HYDIN: variants seen among roughly 807,000 people sequenced by gnomAD.
HYDIN encodes the protein HYDIN axonemal central pair apparatus protein, also known as axonemal central pair apparatus protein HYDIN.
HYDIN carries 132 observed loss-of-function variants against 403.9 expected under a neutral mutation model. The observed-to-expected ratio is 0.33, with a 90% confidence interval of 0.28 to 0.38. The LOEUF is 0.38. Ranked by LOEUF, HYDIN falls within the 10% of genes least tolerant of loss-of-function variation. The probability of loss-of-function intolerance (pLI) is 1.00; values close to 1 mark genes in which losing one functional copy is unlikely to be tolerated. For synonymous variants in HYDIN, 1,202 were observed against 1,891.7 expected (o/e 0.64, Z 9.46); for missense variants, 2,827 against 5,009.5 (o/e 0.56, Z 13.15).
intron 30 of HYDIN, among the ~76,000 whole-genome samples, chr16:70,978,074 C>T (rs1216685088): frequency 3.3e-5 from 5 of 152,080 alleles, no homozygotes; most frequent in Non-Finnish European, 7.4e-5. Flanking sequence ...GCAGATGATG[C>T]ACAGAAATCT....
At position 70,895,975 on chromosome 16, in the gene HYDIN, A is replaced by G. The variant is rs909806533; in HGVS notation, c.9148+6T>C. ...AAACATCCTGTCCTTGAAGGGCCCA[A>G]CAGACCTTTGGGGAAGGTGATGTCC... On this transcript the variant is annotated splice_donor_region_variant and intron_variant, in intron 54 of 85. Coordinates refer to ENST00000393567, the MANE Select transcript of HYDIN (RefSeq NM_001270974.2). 3 of 1,603,732 alleles carry G rather than the reference A, an allele frequency of 1.9e-6. No homozygotes were observed. Among genetic ancestry groups the G allele is most frequent in the African/African-American group, 1.4e-5 (1 of 71,918 alleles).
At position 71,079,911 on chromosome 16, in the gene HYDIN, G is replaced by C. The variant is rs140973680; in HGVS notation, c.1712C>G (p.Ala571Gly). ...AAAGGAAACATCACCAAAGTGCAGA[G>C]CTGGAACATTAAAATGGAAGGTAGG... ...IGPTFHFNVP[A>G]LHFGDVSFGF... The change falls in exon 13 of 86, where the codon GCT (alanine) becomes GGT (glycine). Residue 571 changes from alanine to glycine, a missense_variant. Ala to Gly is a moderately conservative substitution (Grantham distance 60, BLOSUM62 0). Transcript: ENST00000393567. 6.6e-4 allele frequency: 1,001 copies of C among 1,515,884 alleles called. 7 individuals are homozygous for C. In the African/African-American group the frequency reaches 0.012, roughly 19 times the overall value. 93.9% of individuals were successfully genotyped at this position (1,515,884 alleles called of 1,614,324 possible).
Position 71,151,478 on chromosome 16 carries a change from C to T in HYDIN, c.841+1181G>A, listed in dbSNP as rs1453194106. On this transcript the variant is annotated intron_variant, in intron 7 of 85. Transcript: ENST00000393567. ...TCTACACACAGATCACCCCAATCTA[C>T]CAGTGTGACTTCCAGGGATGGGTTC... Among the ~76,000 whole-genome samples, 3 of 151,926 alleles carry T rather than the reference C, an allele frequency of 2.0e-5. No individual in the cohort carries two copies. The East Asian group carries it at 5.8e-4, about 30-fold the overall frequency.
intron 29 of HYDIN, among the ~76,000 whole-genome samples, chr16:70,979,738 C>T (rs1466545338): frequency 1.3e-5 from 2 of 152,116 alleles, no homozygotes; most frequent in African/African-American, 2.4e-5. Flanking sequence ...TCAAGACCAG[C>T]CTGGGCAACA....
At chr16:70,979,766 T>C (rs2078990857) in intron 29 of HYDIN, among the ~76,000 whole-genome samples, 1 of 152,026 alleles carries the variant, frequency 6.6e-6, no homozygotes, top group African/African-American at 2.4e-5. Flanking sequence ...ACCCCGTCTC[T>C]ACAAAAAATT....
chr16:71,021,153 G>C (rs1226198802), intron 21 of HYDIN, among the ~76,000 whole-genome samples: 3 of 150,886 alleles, frequency 2.0e-5, no homozygotes, highest in Non-Finnish European at 3.0e-5. Flanking sequence ...AACTTTTCCT[G>C]ATAATACCAG....
intron 3 of HYDIN, among the ~76,000 whole-genome samples, chr16:71,181,848 G>T (rs550433372): frequency 6.6e-6 from 1 of 152,140 alleles, no homozygotes; most frequent in East Asian, 1.9e-4. Flanking sequence ...AAGCTCAAGC[G>T]ATCATACAAA....
In HYDIN at chr16:70,832,975, A is replaced by C; in HGVS notation, c.13772T>G (p.Val4591Gly). The C allele has an allele frequency of 6.2e-7, 1 of 1,614,212 alleles. No homozygotes were observed. The highest frequency in any genetic ancestry group is 8.5e-7 in the Non-Finnish European group (1 of 1,180,000). ...TCCCACCTCGGTGGGATGGTAGGTC[A>C]CTTCAAAAGAAACCTCCATGCCTGA... ...ITSGMEVSFE[V>G]TYHPTEVGKE... The change falls in exon 80 of 86, where the codon GTG becomes GGG. Residue 4591 changes from valine to glycine, a missense_variant. Coordinates refer to ENST00000393567, the MANE Select transcript of HYDIN (RefSeq NM_001270974.2).
intron 38 of HYDIN, among the ~76,000 whole-genome samples, chr16:70,960,926 C>T (rs2078397690): frequency 6.6e-6 from 1 of 152,242 alleles, no homozygotes; most frequent in African/African-American, 2.4e-5. Flanking sequence ...CTCCTGACCT[C>T]ATGATCCGCC....
intron 5 of HYDIN, among the ~76,000 whole-genome samples, chr16:71,163,969 C>G (rs531888489): frequency 6.6e-6 from 1 of 151,102 alleles, no homozygotes; most frequent in East Asian, 2.0e-4. Context: ...CTAGGCATCT[C>G]TCTTCTCCAG....
chr16:71,154,297 G>T (rs2085666468), intron 6 of HYDIN, among the ~76,000 whole-genome samples: 1 of 149,888 alleles, frequency 6.7e-6, no homozygotes, highest in Non-Finnish European at 1.5e-5. Context: ...TACACAGTAG[G>T]TATATATATT....
rs2036179658 is a variant in HYDIN at position 70,820,430 on chromosome 16, C to T, written c.14428-1858G>A. Among the ~76,000 whole-genome samples, 3 of 151,906 alleles carry T rather than the reference C, an allele frequency of 2.0e-5. No homozygotes were observed. The South Asian group carries it at 6.3e-4, about 32-fold the overall frequency. On this transcript the variant is annotated intron_variant, in intron 83 of 85. Coordinates refer to ENST00000393567, the MANE Select transcript of HYDIN (RefSeq NM_001270974.2). ...TCCTGACCTTGTGATCTGCTCGCCTCGGCCTCCCAAAGTACTAGGATTACA... is the reference window on the plus strand; with the variant it reads ...TCCTGACCTTGTGATCTGCTCGCCTTGGCCTCCCAAAGTACTAGGATTACA...
intron 67 of HYDIN, among the ~76,000 whole-genome samples, chr16:70,864,925 A>T (rs1001419057): frequency 6.6e-6 from 1 of 152,110 alleles, no homozygotes; most frequent in Non-Finnish European, 1.5e-5. Flanking sequence ...CTTTATCTAC[A>T]AAAACAGGCT....
intron 52 of HYDIN, among the ~76,000 whole-genome samples, chr16:70,902,825 T>A (rs56935789): frequency 0.16 from 11,419 of 72,532 alleles, 356 homozygotes; most frequent in East Asian, 0.2. Context: ...ATATATATTT[T>A]TTTTTTTTTT....
chr16:71,003,148 T>C (rs2079776052), intron 23 of HYDIN, among the ~76,000 whole-genome samples: 1 of 152,208 alleles, frequency 6.6e-6, no homozygotes, highest in Non-Finnish European at 1.5e-5. Flanking sequence ...TTTGCCTATC[T>C]GTGCACAAAT....
At chr16:70,862,866 T>C (rs1472043248) in intron 68 of HYDIN, among the ~76,000 whole-genome samples, 2 of 152,156 alleles carry the variant, frequency 1.3e-5, no homozygotes, top group Admixed American at 6.5e-5. Flanking sequence ...AGATGGGGCA[T>C]TGGCCTAGTG....
At chr16:71,159,953 C>T (rs1263502092) in intron 6 of HYDIN, among the ~76,000 whole-genome samples, 7 of 130,556 alleles carry the variant, frequency 5.4e-5, no homozygotes, top group Non-Finnish European at 1.1e-4. Context: ...GGATATCAGA[C>T]AGAAATGTGG....
intron 43 of HYDIN, among the ~76,000 whole-genome samples, chr16:70,939,276 GAA>G (rs1390038216): frequency 1.1e-4 from 17 of 152,236 alleles, no homozygotes; most frequent in Admixed American, 4.6e-4. Context: ...GCCCTGCTGA[GAA>G]AAGTCCGGAG....
At chr16:71,175,954 A>G (rs1458340506) in intron 4 of HYDIN, 3 of 581,792 alleles carry the variant, frequency 5.2e-6, no homozygotes, top group Non-Finnish European at 9.2e-6. Context: ...TAACATTATT[A>G]TTCTTAGTTA....
Sources: gnomAD v4.1 joint callset for allele counts (sites outside exome capture counted in the v4.1 genomes callset) on GRCh38, gnomAD v4.1.1 for gene constraint, MANE v1.5 for transcripts, NCBI Gene and HGNC (gene_info 2026-07-23, HGNC 2026-07-21) for gene names.